TNFRSF11A: variants seen among roughly 807,000 people sequenced by gnomAD.
TNFRSF11A encodes TNF receptor superfamily member 11a.
Under a neutral mutation model 55.7 loss-of-function variants are expected in TNFRSF11A, and 32 were observed. The observed-to-expected ratio is 0.57, with a 90% CI of 0.43 to 0.77. TNFRSF11A has a LOEUF of 0.77. TNFRSF11A is among the 30% of genes least tolerant of loss of function. The pLI, the probability that TNFRSF11A is intolerant of heterozygous loss-of-function variation, is 0.00. For missense variants in TNFRSF11A, 753 were observed against 809.8 expected, an observed-to-expected ratio of 0.93 and a Z score of 0.85; for synonymous variants, 311 against 331.0, an observed-to-expected ratio of 0.94 and a Z score of 0.65.
At chr18:62,356,040 A>G (rs570479296) in intron 4 of TNFRSF11A, among the ~76,000 whole-genome samples, 1 of 152,338 alleles carries the variant, frequency 6.6e-6, no homozygotes, top group African/African-American at 2.4e-5. Flanking sequence ...AATTTTGTTG[A>G]AAGTAAAGGA....
chr18:62,341,616 G>A (rs919870874), intron 1 of TNFRSF11A, among the ~76,000 whole-genome samples: 5 of 152,166 alleles, frequency 3.3e-5, no homozygotes, highest in Non-Finnish European at 7.4e-5. Flanking sequence ...CCACTGCAGT[G>A]GGGTGTGATA....
chr18:62,390,627 C>T lies in TNFRSF11A; in HGVS notation c.*5593C>T, dbSNP rs770522730. The T allele has an allele frequency of 6.6e-6, 1 of 152,140 alleles. No homozygotes were observed. The highest frequency in any genetic ancestry group is 1.5e-5 in the Non-Finnish European group (1 of 68,028). 9.4% of individuals were successfully genotyped at this position (152,140 alleles called of 1,614,324 possible). On this transcript the variant is annotated 3_prime_UTR_variant, in exon 10 of 10. Transcript: ENST00000586569. ...AACAAAGGCTGTATAGACTTTAAGT[C>T]GTGAGAAAAACGACATTCTTATGGT...
At chr18:62,354,366 C>A in intron 3 of TNFRSF11A, 25 bp from the exon 4 acceptor site, 1 of 1,549,742 alleles carries the variant, frequency 6.5e-7, no homozygotes, top group Non-Finnish European at 8.7e-7. Flanking sequence ...TCCCTGGCCA[C>A]TGACCTGTCT....
intron 8 of TNFRSF11A, chr18:62,367,396 T>G (rs1295498578): frequency 6.4e-6 from 1 of 155,324 alleles, no homozygotes; most frequent in Non-Finnish European, 1.4e-5. Flanking sequence ...GTTATTCTGG[T>G]AACATTTTAT....
chr18:62,349,702 A>G, intron 2 of TNFRSF11A, 110 bp from the exon 3 acceptor site: 1 of 1,270,278 alleles, frequency 7.9e-7, no homozygotes, highest in South Asian at 1.2e-5. Flanking sequence ...CATGGGCACC[A>G]ATGATTATTG....
intron 9 of TNFRSF11A, among the ~76,000 whole-genome samples, chr18:62,380,862 C>T (rs1181731643): frequency 6.6e-6 from 1 of 150,752 alleles, no homozygotes; most frequent in Non-Finnish European, 1.5e-5. Context: ...AGTGCAGTGG[C>T]ATGATCACAG....
At position 62,369,489 on chromosome 18, in the gene TNFRSF11A, G is replaced by T; in HGVS notation, c.1567+5G>T. The T allele has an allele frequency of 1.2e-6, 2 of 1,604,314 alleles. No individual in the cohort carries two copies. Among genetic ancestry groups the T allele is most frequent in the South Asian group, 2.2e-5 (2 of 91,040 alleles). On this transcript the variant is annotated splice_donor_5th_base_variant and intron_variant, in intron 9 of 9. Coordinates refer to ENST00000586569, the MANE Select transcript of TNFRSF11A (RefSeq NM_003839.4). ...GTGGCCAGTCCCCTGCATCTGGTAAGTGACTTCCCAGTCTCTCACTTCTGA... is the reference window on the plus strand; with the variant it reads ...GTGGCCAGTCCCCTGCATCTGGTAATTGACTTCCCAGTCTCTCACTTCTGA...
intron 1 of TNFRSF11A, among the ~76,000 whole-genome samples, chr18:62,334,968 G>A (rs2046208734): frequency 6.6e-6 from 1 of 152,212 alleles, no homozygotes; most frequent in South Asian, 2.1e-4. Flanking sequence ...GTTAAATTCA[G>A]TGAAAACACA....
chr18:62,337,962 C>T (rs2046258162), intron 1 of TNFRSF11A, among the ~76,000 whole-genome samples: 1 of 152,152 alleles, frequency 6.6e-6, no homozygotes, highest in East Asian at 1.9e-4. Flanking sequence ...GTGAACAGAA[C>T]TAGGCAAAAT....
rs1911976517 is a variant in TNFRSF11A at position 62,391,144 on chromosome 18, T to C, written c.*6110T>C. On this transcript the variant is annotated 3_prime_UTR_variant, in exon 10 of 10. Coordinates refer to ENST00000586569, the MANE Select transcript of TNFRSF11A (RefSeq NM_003839.4). Reference sequence around the variant, plus strand: ...TTGAGTCTGGCTTCTTTCCACATAATGTCCTTGAGATCCATCGGTGGGTAC... The same window carrying C: ...TTGAGTCTGGCTTCTTTCCACATAACGTCCTTGAGATCCATCGGTGGGTAC... The C allele has an allele frequency of 1.3e-5, 2 of 152,412 alleles. No individual in the cohort carries two copies. Among genetic ancestry groups the C allele is most frequent in the Admixed American group, 6.5e-5 (1 of 15,308 alleles). 9.4% of individuals were successfully genotyped at this position (152,412 alleles called of 1,614,324 possible).
Position 62,386,645 on chromosome 18 carries a change from T to C in TNFRSF11A, c.*1611T>C, listed in dbSNP as rs1429609271. ...AGGTTATAAAAGAAAGCACTAATAG[T>C]AGTCACTGCCCAGACTTTACTGGCC... On this transcript the variant is annotated 3_prime_UTR_variant, in exon 10 of 10. Transcript: ENST00000586569. 7 of 152,232 alleles carry C rather than the reference T, an allele frequency of 4.6e-5. No homozygotes were observed. Among genetic ancestry groups the C allele is most frequent in the Non-Finnish European group, 7.3e-5 (5 of 68,034 alleles). The allele number at this position is 152,232 out of a possible 1,614,324, so 9.4% of individuals were successfully genotyped here. A position where few individuals can be genotyped will look rare whatever the true frequency, so the allele number is the denominator to read the frequency against.
intron 1 of TNFRSF11A, chr18:62,336,653 T>G (rs913778024): frequency 6.6e-6 from 1 of 152,240 alleles, no homozygotes; most frequent in African/African-American, 2.4e-5. Context: ...TAAAGGGGCA[T>G]TCACTGGAGC....
rs753280560 is a variant in TNFRSF11A, at chr18:62,368,974, C to T, written c.1057C>T (p.Pro353Ser). 4 of 1,614,228 alleles carry T rather than the reference C, an allele frequency of 2.5e-6. No homozygotes were observed. Among genetic ancestry groups the T allele is most frequent in the Non-Finnish European group, 3.4e-6 (4 of 1,180,040 alleles). Reference sequence around the variant, plus strand: ...CACAGAAGATGAATACATGGACAGGCCCTCCCAGCCCACAGACCAGTTACT... The same window carrying T: ...CACAGAAGATGAATACATGGACAGGTCCTCCCAGCCCACAGACCAGTTACT... ...MPTEDEYMDR[P>S]SQPTDQLLFL... The change falls in exon 9 of 10, where the codon CCC (proline) becomes TCC (serine). Residue 353 changes from proline (P) to serine (S), a missense_variant. Pro to Ser is a moderately conservative substitution (Grantham distance 74). This residue lies in a region of TNFRSF11A where 567 missense variants were observed against 596.7 expected (regional missense o/e 0.95). Transcript: ENST00000586569.
At chr18:62,338,331 A>T (rs142310588) in intron 1 of TNFRSF11A, among the ~76,000 whole-genome samples, 8 of 152,312 alleles carry the variant, frequency 5.3e-5, no homozygotes, top group African/African-American at 1.9e-4. Context: ...ATAGACCAAA[A>T]AGAACTGAAA....
chr18:62,363,408 G>A (rs8083034), intron 7 of TNFRSF11A, among the ~76,000 whole-genome samples: 47,545 of 136,052 alleles, frequency 0.35, 9,208 homozygotes, highest in African/African-American at 0.52. Flanking sequence ...TCGCTCTGTC[G>A]CCCAAGCTGG....
chr18:62,382,932 A>T (rs1911395755), intron 9 of TNFRSF11A, among the ~76,000 whole-genome samples: 1 of 152,146 alleles, frequency 6.6e-6, no homozygotes, highest in African/African-American at 2.4e-5. Flanking sequence ...AAATTTCCTG[A>T]TGAGTTTATC....
intron 9 of TNFRSF11A, among the ~76,000 whole-genome samples, chr18:62,378,833 A>G (rs1417259318): frequency 1.3e-5 from 2 of 152,226 alleles, no homozygotes; most frequent in Non-Finnish European, 1.5e-5. Context: ...GTCTCAGGAC[A>G]AGACCCAAGA....
At chr18:62,333,372 C>T (rs980737878) in intron 1 of TNFRSF11A, among the ~76,000 whole-genome samples, 8 of 152,174 alleles carry the variant, frequency 5.3e-5, no homozygotes, top group Non-Finnish European at 8.8e-5. Context: ...ACAACCTCTC[C>T]GCTGATTCTG....
chr18:62,366,476 A>G (rs1009375823), intron 7 of TNFRSF11A, among the ~76,000 whole-genome samples: 1 of 152,194 alleles, frequency 6.6e-6, no homozygotes, highest in African/African-American at 2.4e-5. Context: ...ATCATATTCA[A>G]GATTTTTGCT....
Sources: allele counts gnomAD v4.1 joint callset (sites outside exome capture counted in the v4.1 genomes callset), GRCh38; gene constraint gnomAD v4.1.1; regional missense constraint gnomAD v4.1.1; transcripts MANE v1.5; gene names NCBI Gene and HGNC (gene_info 2026-07-23, HGNC 2026-07-21).